The following CAPZA1 variants were observed in gnomAD, a reference collection of about 807,000 sequenced individuals.
CAPZA1 encodes F-actin-capping protein subunit alpha-1.
Under a neutral mutation model 40.8 loss-of-function variants are expected in CAPZA1, and 10 were observed. The ratio of observed to expected loss-of-function variants is 0.25; its 90% CI spans 0.15 to 0.42. CAPZA1 has a LOEUF of 0.42. Ranked by LOEUF, CAPZA1 falls within the 10% of genes least tolerant of loss-of-function variation. CAPZA1 has a pLI of 1.00. For synonymous variants in CAPZA1, 98 were observed against 115.0 expected, an observed-to-expected ratio of 0.85 and a Z score of 0.95; for missense variants, 277 against 353.8, an observed-to-expected ratio of 0.78 and a Z score of 1.74.
intron 1 of CAPZA1, chr1:112,634,837 T>G (rs769502653): frequency 5.9e-5 from 9 of 152,202 alleles, no homozygotes; most frequent in Non-Finnish European, 1.3e-4. Context: ...AGGATGTGGT[T>G]CAAAGAGATT....
At chr1:112,636,347 C>T (rs184254346) in intron 1 of CAPZA1, among the ~76,000 whole-genome samples, 3 of 152,026 alleles carry the variant, frequency 2.0e-5, no homozygotes, top group African/African-American at 4.8e-5. Flanking sequence ...GAGAATAAGA[C>T]GAATGGGAAG....
In CAPZA1 at chr1:112,667,009, G is replaced by A. The variant is rs180712061; in HGVS notation, c.586-65G>A. ...TAAAGATAGCTTAAAGCATGGATTT[G>A]TGTCCTAAATAACAGGTTTCTCTAT... On this transcript the variant is annotated intron_variant, in intron 7 of 9. Transcript: ENST00000263168. 301 of 1,093,840 alleles carry A rather than the reference G, an allele frequency of 2.8e-4. 2 individuals carry two copies. In the African/African-American group the frequency reaches 4.2e-3, roughly 15 times the overall value. 67.8% of individuals were successfully genotyped at this position (1,093,840 alleles called of 1,614,324 possible).
Position 112,670,424 on chromosome 1 carries a change from T to C in CAPZA1, c.*292T>C. ...TTAATGTTGGTGAGAGAGTGATCTA[T>C]CCTAATGACATTTTACTGTTTAAAA... On this transcript the variant is annotated 3_prime_UTR_variant, in exon 10 of 10. Coordinates refer to ENST00000263168, the MANE Select transcript of CAPZA1 (RefSeq NM_006135.3). The C allele has an allele frequency of 7.0e-6, 2 of 285,242 alleles. No homozygotes were observed. The highest frequency in any genetic ancestry group is 1.3e-5 in the Non-Finnish European group (2 of 152,676). 17.7% of individuals were successfully genotyped at this position (285,242 alleles called of 1,614,324 possible).
At chr1:112,657,438 C>T (rs913343000) in intron 5 of CAPZA1, among the ~76,000 whole-genome samples, 1 of 152,170 alleles carries the variant, frequency 6.6e-6, no homozygotes, top group African/African-American at 2.4e-5. Context: ...AGTCTCCATT[C>T]TACAGAAACT....
At chr1:112,638,386 C>T (rs933556143) in intron 1 of CAPZA1, among the ~76,000 whole-genome samples, 2 of 152,116 alleles carry the variant, frequency 1.3e-5, no homozygotes, top group Non-Finnish European at 2.9e-5. Context: ...ACTGTGTTGG[C>T]TCACTGCAAC....
chr1:112,638,507 G>T (rs147194101), intron 1 of CAPZA1, among the ~76,000 whole-genome samples: 8,770 of 152,114 alleles, frequency 0.058, 375 homozygotes, highest in Middle Eastern at 0.12. Context: ...TAGAGACAGG[G>T]TTACACCATG....
At chr1:112,641,990 AC>A (rs1671177605) in intron 1 of CAPZA1, among the ~76,000 whole-genome samples, 1 of 151,842 alleles carries the variant, frequency 6.6e-6, no homozygotes. Context: ...TTAAAAAAAA[AC>A]CTTTATTTTC....
intron 7 of CAPZA1, among the ~76,000 whole-genome samples, chr1:112,665,761 C>T (rs1241126411): frequency 1.3e-5 from 2 of 152,120 alleles, no homozygotes; most frequent in Non-Finnish European, 1.5e-5. Context: ...ATCCTCATGA[C>T]CTAATCACCT....
chr1:112,625,490 GA>G (rs1670787859), intron 1 of CAPZA1, among the ~76,000 whole-genome samples: 1 of 152,230 alleles, frequency 6.6e-6, no homozygotes, highest in African/African-American at 2.4e-5. Flanking sequence ...GAGATAGAAA[GA>G]TTAGGACGGA....
intron 3 of CAPZA1, among the ~76,000 whole-genome samples, chr1:112,652,581 G>A (rs1004289202): frequency 1.5e-4 from 22 of 151,508 alleles, no homozygotes; most frequent in Admixed American, 1.2e-3. Context: ...TAAAACTAGT[G>A]GTCTCCATCC....
intron 1 of CAPZA1, 99 bp downstream of exon 1, chr1:112,619,982 A>G (rs561974550): frequency 1.0e-6 from 1 of 981,864 alleles, no homozygotes; most frequent in African/African-American, 1.6e-5. Context: ...AGGAAAAAGA[A>G]GCTTCTTGGT....
At chr1:112,656,488 G>A (rs1451650831) in intron 5 of CAPZA1, among the ~76,000 whole-genome samples, 4 of 112,614 alleles carry the variant, frequency 3.6e-5, no homozygotes, top group Non-Finnish European at 6.7e-5. Flanking sequence ...CCATTATGGT[G>A]GACTGGACAA....
At chr1:112,649,514 G>A in intron 3 of CAPZA1, 45 bp downstream of exon 3, 1 of 1,403,992 alleles carries the variant, frequency 7.1e-7, no homozygotes, top group African/African-American at 1.4e-5. Context: ...TCTAACATTG[G>A]ATAAACTATG....
At chr1:112,650,938 A>G (rs1199767448) in intron 3 of CAPZA1, among the ~76,000 whole-genome samples, 1 of 152,224 alleles carries the variant, frequency 6.6e-6, no homozygotes, top group East Asian at 1.9e-4. Context: ...TATAGACTAT[A>G]GGTTCTTGGG....
chr1:112,624,240 T>C (rs964280056), intron 1 of CAPZA1, among the ~76,000 whole-genome samples: 1 of 152,104 alleles, frequency 6.6e-6, no homozygotes, highest in Non-Finnish European at 1.5e-5. Flanking sequence ...CCATGCTTTT[T>C]TCACTATACT....
intron 5 of CAPZA1, among the ~76,000 whole-genome samples, chr1:112,656,181 C>G (rs1272116120): frequency 6.6e-6 from 1 of 152,076 alleles, no homozygotes; most frequent in Non-Finnish European, 1.5e-5. Flanking sequence ...TTAAGAGCAC[C>G]TACTTTGAAG....
chr1:112,653,605 G>A lies in CAPZA1; in HGVS notation c.163G>A (p.Ala55Thr), dbSNP rs1477309438. 2.0e-6 allele frequency: 3 copies of A among 1,507,784 alleles called. No homozygotes were observed. Among genetic ancestry groups the A allele is most frequent in the Middle Eastern group, 1.8e-4 (1 of 5,604 alleles). 93.4% of individuals were successfully genotyped at this position (1,507,784 alleles called of 1,614,324 possible). Residue 55 changes from alanine to threonine, a missense_variant, in exon 4 of 10, where the codon GCC becomes ACC. By Grantham distance (58) the Ala-to-Thr change is moderately conservative. Around this residue, in one of 2 missense-constraint regions of CAPZA1, gnomAD observed 85 missense variants for 76.5 expected, o/e 1.11. Coordinates refer to ENST00000263168, the MANE Select transcript of CAPZA1 (RefSeq NM_006135.3). ...LLREGAAHAFAQYNMDQFTPV... is the reference protein window; with the variant it reads ...LLREGAAHAFTQYNMDQFTPV... ...ACTTTTAAAAAAAAACAGTGCATTT[G>A]CCCAGTATAACATGGATCAGTTCAC...
At chr1:112,636,889 G>C (rs1671031165) in intron 1 of CAPZA1, among the ~76,000 whole-genome samples, 2 of 151,986 alleles carry the variant, frequency 1.3e-5, no homozygotes, top group African/African-American at 4.8e-5. Flanking sequence ...TCTTAGCTTT[G>C]ACCCAGTTTT....
At chr1:112,627,636 CAAAAAAAAAAAAAAA>C (rs3034524) in intron 1 of CAPZA1, among the ~76,000 whole-genome samples, 6 of 50,764 alleles carry the variant, frequency 1.2e-4, no homozygotes, top group African/African-American at 3.3e-4. Context: ...GACTCTGTCT[CAAAAAAAAAAAAAAA>C]AAAAAAAAAA....
Sources: allele counts gnomAD v4.1 joint callset (sites outside exome capture counted in the v4.1 genomes callset), GRCh38; gene constraint gnomAD v4.1.1; regional missense constraint gnomAD v4.1.1; transcripts MANE v1.5; gene names NCBI Gene and HGNC (gene_info 2026-07-23, HGNC 2026-07-21).